Variants in ZBTB7C observed in about 807,000 individuals in gnomAD.
The protein encoded by ZBTB7C is zinc finger and BTB domain containing 7C.
Under a neutral mutation model 25.7 loss-of-function variants are expected in ZBTB7C, and 8 were observed. The ratio of observed to expected loss-of-function variants is 0.31; its 90% confidence interval spans 0.18 to 0.56. The LOEUF is 0.56. Ranked by LOEUF, ZBTB7C falls within the 20% of genes least tolerant of loss-of-function variation. The pLI is 0.91. For missense variants in ZBTB7C, 824 were observed against 855.2 expected (o/e 0.96, Z 0.46); for synonymous variants, 394 against 369.0 (o/e 1.07, Z -0.78).
intron 1 of ZBTB7C, among the ~76,000 whole-genome samples, chr18:48,356,738 C>G (rs528839061): frequency 1.3e-5 from 2 of 152,262 alleles, no homozygotes; most frequent in East Asian, 3.9e-4. Flanking sequence ...CCATTCTTAT[C>G]GGACAATTCA....
At chr18:48,334,752 T>C (rs769672632) in intron 2 of ZBTB7C, among the ~76,000 whole-genome samples, 15 of 152,214 alleles carry the variant, frequency 9.9e-5, no homozygotes, top group Non-Finnish European at 1.6e-4. Context: ...AATTTTTCTT[T>C]CTGGGAAAAG....
chr18:48,166,882 T>C (rs971812943), intron 3 of ZBTB7C, among the ~76,000 whole-genome samples: 3 of 152,068 alleles, frequency 2.0e-5, no homozygotes, highest in Admixed American at 1.3e-4. Flanking sequence ...GGCTCAGTTG[T>C]GTTGTCCTTA....
intron 1 of ZBTB7C, among the ~76,000 whole-genome samples, chr18:48,380,675 C>T (rs979657536): frequency 2.0e-5 from 3 of 151,964 alleles, no homozygotes; most frequent in Admixed American, 1.3e-4. Context: ...GGAGATATGA[C>T]GACTAAATGT....
chr18:48,132,296 G>T (rs1266040327), intron 3 of ZBTB7C, among the ~76,000 whole-genome samples: 1 of 152,156 alleles, frequency 6.6e-6, no homozygotes, highest in Admixed American at 6.5e-5. Context: ...AAAGTGTTAG[G>T]TTAGTTGAAA....
At chr18:48,141,567 G>A (rs1254459782) in intron 3 of ZBTB7C, among the ~76,000 whole-genome samples, 2 of 151,638 alleles carry the variant, frequency 1.3e-5, no homozygotes, top group Non-Finnish European at 2.9e-5. Context: ...AACTGGGCGG[G>A]GGGGAAAGTA....
chr18:48,140,802 C>T (rs1350445636), intron 3 of ZBTB7C, among the ~76,000 whole-genome samples: 10 of 152,140 alleles, frequency 6.6e-5, no homozygotes, highest in African/African-American at 1.4e-4. Flanking sequence ...CCCCCACCCG[C>T]GCCCCCAGCC....
At chr18:48,226,194 G>A (rs2043087394) in intron 2 of ZBTB7C, among the ~76,000 whole-genome samples, 1 of 152,200 alleles carries the variant, frequency 6.6e-6, no homozygotes, top group African/African-American at 2.4e-5. Flanking sequence ...CACATAAATG[G>A]TTACTGTTTT....
rs2042355022 is a variant in ZBTB7C, at chr18:48,197,984, T to G, written c.-78-11989A>C. On this transcript the variant is annotated intron_variant, in intron 2 of 4. Transcript: ENST00000590800. The stretch of plus-strand genomic sequence containing the variant: ...TGTTCCCTGTATCTTCCTGATACCA[T>G]CATTTTTAGTGAAATCAATTGTCAG... Among the ~76,000 whole-genome samples, 6 of 152,196 alleles carry G rather than the reference T, an allele frequency of 3.9e-5. No homozygotes were observed. In the South Asian group the frequency reaches 1.2e-3, roughly 32 times the overall value.
Position 48,028,558 on chromosome 18 carries a change from G to A in ZBTB7C, c.*702C>T, listed in dbSNP as rs909385698. The A allele has an allele frequency of 7.2e-5, 11 of 152,306 alleles. No individual in the cohort carries two copies. Among genetic ancestry groups the A allele is most frequent in the Non-Finnish European group, 1.5e-4 (10 of 68,038 alleles). The allele number at this position is 152,306 out of a possible 1,614,324, so 9.4% of individuals were successfully genotyped here. ...ATCTCTGTGATTCTCTGGGGGGATA[G>A]GTGTGTATGTGTTTAGAGGTGGAGG... On this transcript the variant is annotated 3_prime_UTR_variant, in exon 5 of 5. Coordinates refer to ENST00000590800, the MANE Select transcript of ZBTB7C (RefSeq NM_001318841.2).
Position 48,338,224 on chromosome 18 carries a change from T to A in ZBTB7C, c.-129A>T, listed in dbSNP as rs1245032058. The A allele has an allele frequency of 1.3e-5, 2 of 152,244 alleles. No homozygotes were observed. The highest frequency in any genetic ancestry group is 2.9e-5 in the Non-Finnish European group (2 of 68,074). The allele number at this position is 152,244 out of a possible 1,614,324, so 9.4% of individuals were successfully genotyped here. On this transcript the variant is annotated 5_prime_UTR_variant, in exon 2 of 5. The change creates a new upstream start codon in the 5' untranslated region. Transcript: ENST00000590800. ...CCAGGGGCCAAAGCATTGATTCTTCTTGGATCTCCCCAGCAGTGCAGCCCC... is the reference window on the plus strand; with the variant it reads ...CCAGGGGCCAAAGCATTGATTCTTCATGGATCTCCCCAGCAGTGCAGCCCC...
At chr18:48,202,137 C>A (rs746469169) in intron 2 of ZBTB7C, among the ~76,000 whole-genome samples, 1 of 152,206 alleles carries the variant, frequency 6.6e-6, no homozygotes, top group Non-Finnish European at 1.5e-5. Context: ...TTCCTGCTCA[C>A]GCTCAGGCAC....
intron 2 of ZBTB7C, among the ~76,000 whole-genome samples, chr18:48,247,788 T>A (rs996661729): frequency 2.0e-5 from 3 of 152,206 alleles, no homozygotes; most frequent in African/African-American, 7.2e-5. Flanking sequence ...TCTCACGAGA[T>A]CTGAGGTCTG....
Position 48,029,522 on chromosome 18 carries a change from T to C in ZBTB7C, c.1598A>G (p.His533Arg), listed in dbSNP as rs950831933. ...GGCGCCCTTGGGCGCTGCCAGGAAG[T>C]GCTTGGCGGGGCTGGGGCCCGGGAG... ...VCLPGPSPAK[H>R]FLAAPKGALS... Residue 533 changes from histidine (H) to arginine (R), a missense_variant, in exon 5 of 5, where the codon CAC (histidine) becomes CGC (arginine). His to Arg is a conservative substitution (Grantham distance 29). Around this residue, in one of 4 missense-constraint regions of ZBTB7C, gnomAD observed 342 missense variants for 307.0 expected, o/e 1.11. Coordinates refer to ENST00000590800, the MANE Select transcript of ZBTB7C (RefSeq NM_001318841.2). 2 of 1,579,906 alleles carry C rather than the reference T, an allele frequency of 1.3e-6. No individual in the cohort carries two copies. The highest frequency in any genetic ancestry group is 1.7e-6 in the Non-Finnish European group (2 of 1,171,238).
At chr18:48,345,672 A>G (rs1008768793) in intron 1 of ZBTB7C, among the ~76,000 whole-genome samples, 1 of 151,558 alleles carries the variant, frequency 6.6e-6, no homozygotes, top group Non-Finnish European at 1.5e-5. Flanking sequence ...CAGTGTCCCA[A>G]CAAGGCCTTG....
At chr18:48,278,126 A>C (rs1279990175) in intron 2 of ZBTB7C, among the ~76,000 whole-genome samples, 1 of 152,228 alleles carries the variant, frequency 6.6e-6, no homozygotes, top group Non-Finnish European at 1.5e-5. Flanking sequence ...GACCAACAGA[A>C]TGTGGCACCA....
At chr18:48,341,258 A>T (rs1244911623) in intron 1 of ZBTB7C, among the ~76,000 whole-genome samples, 1 of 152,056 alleles carries the variant, frequency 6.6e-6, no homozygotes, top group Non-Finnish European at 1.5e-5. Flanking sequence ...TCCCCCGGAG[A>T]TGTGGGCAGA....
chr18:48,279,597 T>C (rs1369062845), intron 2 of ZBTB7C, among the ~76,000 whole-genome samples: 2 of 152,174 alleles, frequency 1.3e-5, no homozygotes, highest in Admixed American at 6.5e-5. Context: ...TTTTGCAAGG[T>C]AGGAGTCAGA....
chr18:48,041,883 T>C (rs2036259925), intron 3 of ZBTB7C, among the ~76,000 whole-genome samples: 1 of 152,152 alleles, frequency 6.6e-6, no homozygotes, highest in African/African-American at 2.4e-5. Context: ...AGTACATTGT[T>C]AGTTAATTTT....
chr18:48,179,085 C>A (rs1322582275), intron 3 of ZBTB7C, among the ~76,000 whole-genome samples: 1 of 152,184 alleles, frequency 6.6e-6, no homozygotes, highest in Non-Finnish European at 1.5e-5. Context: ...CCTCTGCTGC[C>A]CTTACTTCTG....
Sources: allele counts gnomAD v4.1 joint callset (sites outside exome capture counted in the v4.1 genomes callset), GRCh38; gene constraint gnomAD v4.1.1; regional missense constraint gnomAD v4.1.1; transcripts MANE v1.5; gene names NCBI Gene and HGNC (gene_info 2026-07-23, HGNC 2026-07-21).